Variants in TRPC3 observed in about 807,000 individuals in gnomAD.
TRPC3 encodes transient receptor potential cation channel subfamily C member 3.
A neutral mutation model predicts 90.9 loss-of-function variants in TRPC3; 54 were observed. That is an observed-to-expected ratio of 0.59 (90% CI 0.48 to 0.75). TRPC3 has a LOEUF of 0.75. Ranked by LOEUF, TRPC3 falls within the 30% of genes least tolerant of loss-of-function variation. The pLI, the probability that TRPC3 is intolerant of heterozygous loss-of-function variation, is 0.00. For missense variants in TRPC3, 918 were observed against 1,194.5 expected, an observed-to-expected ratio of 0.77 and a Z score of 3.41; for synonymous variants, 424 against 450.9, an observed-to-expected ratio of 0.94 and a Z score of 0.75.
chr4:121,916,504 C>A (rs1185201910), intron 3 of TRPC3, among the ~76,000 whole-genome samples: 1 of 152,098 alleles, frequency 6.6e-6, no homozygotes, highest in Non-Finnish European at 1.5e-5. Context: ...TATTAGAAAG[C>A]TAGGCTTTTG....
chr4:121,909,399 C>A (rs1729007019), intron 6 of TRPC3, among the ~76,000 whole-genome samples: 1 of 152,104 alleles, frequency 6.6e-6, no homozygotes, highest in African/African-American at 2.4e-5. Context: ...GATTAGACAA[C>A]ACTTTCTAAA....
chr4:121,919,213 T>C (rs1560705378), intron 3 of TRPC3, among the ~76,000 whole-genome samples: 1 of 152,296 alleles, frequency 6.6e-6, no homozygotes, highest in East Asian at 1.9e-4. Flanking sequence ...GGGAAAACAA[T>C]CAAATTTTAA....
chr4:121,922,771 G>A (rs145872416), intron 3 of TRPC3, among the ~76,000 whole-genome samples: 11 of 152,316 alleles, frequency 7.2e-5, no homozygotes, highest in Admixed American at 2.6e-4. Context: ...CTAAAAAACA[G>A]TTTACTATCA....
Position 121,951,595 on chromosome 4 carries a change from T to C in TRPC3, c.86A>G (p.Glu29Gly). 6.9e-7 allele frequency: 1 copy of C among 1,446,898 alleles called. No individual in the cohort carries two copies. Among genetic ancestry groups the C allele is most frequent in the Non-Finnish European group, 9.1e-7 (1 of 1,094,190 alleles). The allele number at this position is 1,446,898 out of a possible 1,614,324, so 89.6% of individuals were successfully genotyped here. A position where few individuals can be genotyped will look rare whatever the true frequency, so the allele number is the denominator to read the frequency against. ...GCGGCGGCGCTGCGGCTCCGCGCCC[T>C]CGTCCTCGCCCTCGTCTTCCTCCTC... Reference protein sequence around the residue: ...PEEEEDEGEDEGAEPQRRRRG... With the variant: ...PEEEEDEGEDGGAEPQRRRRG... Residue 29 changes from glutamate (E) to glycine (G), a missense_variant, in exon 1 of 12, where the codon GAG becomes GGG. This residue lies in a region of TRPC3 where 609 missense variants were observed against 725.9 expected (regional missense o/e 0.84). Transcript: ENST00000379645. This position sits in a 1 kb window ranked among gnomAD's most constrained non-coding sequence, Gnocchi z 4.4.
Position 121,951,780 on chromosome 4 carries a change from G to A in TRPC3, c.-100C>T, listed in dbSNP as rs963677030. On this transcript the variant is annotated 5_prime_UTR_variant, in exon 1 of 12. Coordinates refer to ENST00000379645, the MANE Select transcript of TRPC3 (RefSeq NM_001130698.2). The surrounding 1 kb of genome is among the most constrained non-coding windows in gnomAD (Gnocchi z 4.4). ...GCGGCGCCCCTTCACCACCTCCCGC[G>A]GCTTCCGGGGCCCCGGGCGGCCCAG... 2.0e-6 allele frequency: 2 copies of A among 1,021,044 alleles called. No homozygotes were observed. The highest frequency in any genetic ancestry group is 3.4e-5 in the African/African-American group (2 of 59,468). 63.2% of individuals were successfully genotyped at this position (1,021,044 alleles called of 1,614,324 possible).
intron 6 of TRPC3, among the ~76,000 whole-genome samples, 177 bp downstream of exon 6, chr4:121,909,977 G>T (rs1386548801): frequency 6.6e-6 from 1 of 152,024 alleles, no homozygotes; most frequent in African/African-American, 2.4e-5. Context: ...CAGCAAAGGG[G>T]GTCAGAGCCT....
intron 9 of TRPC3, among the ~76,000 whole-genome samples, chr4:121,901,070 C>T (rs1029881141): frequency 6.6e-6 from 1 of 152,190 alleles, no homozygotes; most frequent in African/African-American, 2.4e-5. Context: ...AGTATTTTCC[C>T]TTCTACATTA....
chr4:121,902,649 T>C (rs964021384), intron 9 of TRPC3, among the ~76,000 whole-genome samples: 4 of 152,330 alleles, frequency 2.6e-5, no homozygotes, highest in Admixed American at 1.3e-4. Flanking sequence ...TATGATGTTC[T>C]GATCAAAAGC....
chr4:121,889,958 TA>T (rs1728263951), intron 10 of TRPC3, among the ~76,000 whole-genome samples: 1 of 152,150 alleles, frequency 6.6e-6, no homozygotes, highest in South Asian at 2.1e-4. Context: ...AGTATGGTTG[TA>T]TATATACACA....
At chr4:121,911,815 T>C in intron 5 of TRPC3, 62 bp downstream of exon 5, 5 of 1,459,112 alleles carry the variant, frequency 3.4e-6, no homozygotes, top group Non-Finnish European at 4.7e-6. Context: ...CAATAGAAAA[T>C]GACAATTATT....
Position 121,894,010 on chromosome 4 carries a change from G to A in TRPC3, c.2547+5602C>T, listed in dbSNP as rs148450188. ...ATTGTAAGAATGTAAGTTAGTACAAGCTCCATCAGTTTGATAATAGCTAAA... is the reference window on the plus strand; with the variant it reads ...ATTGTAAGAATGTAAGTTAGTACAAACTCCATCAGTTTGATAATAGCTAAA... On this transcript the variant is annotated intron_variant, in intron 10 of 11. Coordinates refer to ENST00000379645, the MANE Select transcript of TRPC3 (RefSeq NM_001130698.2). Among the ~76,000 whole-genome samples the A allele has an allele frequency of 1.2e-4, 19 of 152,168 alleles. No homozygotes were observed. In the East Asian group the frequency reaches 3.7e-3, roughly 29 times the overall value.
chr4:121,951,477 G>C lies in TRPC3; in HGVS notation c.204C>G (p.His68Gln). ...PHGYCPPPFS[H>Q]GPDLSMEGSP... ...GGCCCGGTACTCACAGGTCCGGCCC[G>C]TGGGAGAAGGGCGGCGGGCAGTAGC... The change falls in exon 1 of 12, where the codon CAC becomes CAG. Residue 68 changes from histidine (H) to glutamine (Q), a missense_variant. His to Gln is a conservative substitution (Grantham distance 24, BLOSUM62 0). This residue lies in a region of TRPC3 where 609 missense variants were observed against 725.9 expected (regional missense o/e 0.84). Transcript: ENST00000379645. This position sits in a 1 kb window ranked among gnomAD's most constrained non-coding sequence, Gnocchi z 4.4. 1 of 1,314,568 alleles carries C rather than the reference G, an allele frequency of 7.6e-7. No individual in the cohort carries two copies. Among genetic ancestry groups the C allele is most frequent in the Non-Finnish European group, 9.7e-7 (1 of 1,033,634 alleles). The allele number at this position is 1,314,568 out of a possible 1,614,324, so 81.4% of individuals were successfully genotyped here.
chr4:121,883,066 T>C (rs1727996807), intron 10 of TRPC3, among the ~76,000 whole-genome samples: 1 of 152,122 alleles, frequency 6.6e-6, no homozygotes, highest in South Asian at 2.1e-4. Flanking sequence ...TAAATGCTCT[T>C]CTAGGATAAC....
chr4:121,906,520 T>G (rs1728887877), intron 7 of TRPC3, among the ~76,000 whole-genome samples: 1 of 152,140 alleles, frequency 6.6e-6, no homozygotes. Flanking sequence ...AAATTCATTT[T>G]AGAACAATTG....
intron 8 of TRPC3, among the ~76,000 whole-genome samples, 171 bp from the exon 9 acceptor site, chr4:121,903,232 A>G (rs369365283): frequency 6.6e-6 from 1 of 152,318 alleles, no homozygotes; most frequent in East Asian, 1.9e-4. Context: ...TTTTTCAAAT[A>G]TAAGATACTC....
At chr4:121,929,608 C>T (rs375733406) in intron 2 of TRPC3, among the ~76,000 whole-genome samples, 1 of 152,222 alleles carries the variant, frequency 6.6e-6, no homozygotes, top group African/African-American at 2.4e-5. Context: ...ACCGAGCTAT[C>T]CTCCATTAAT....
chr4:121,882,901 AT>A (rs1330857736), intron 10 of TRPC3, among the ~76,000 whole-genome samples: 3 of 152,116 alleles, frequency 2.0e-5, no homozygotes, highest in African/African-American at 4.8e-5. Context: ...CACTGTTTTC[AT>A]TTTGGTGTAT....
chr4:121,903,572 CCT>C (rs555870212), intron 8 of TRPC3, among the ~76,000 whole-genome samples: 85 of 152,210 alleles, frequency 5.6e-4, no homozygotes, highest in African/African-American at 2.0e-3. Context: ...CACATAAGCC[CCT>C]GAGTGCCTGA....
At chr4:121,920,309 G>T (rs888916583) in intron 3 of TRPC3, among the ~76,000 whole-genome samples, 5 of 151,982 alleles carry the variant, frequency 3.3e-5, no homozygotes, top group African/African-American at 4.8e-5. Context: ...ATCACTTGAG[G>T]TCAGGAGTTC....
Sources: gnomAD v4.1 joint callset for allele counts (sites outside exome capture counted in the v4.1 genomes callset) on GRCh38, gnomAD v4.1.1 for gene constraint, gnomAD v4.1.1 regional missense constraint, Gnocchi (gnomAD v3.1) non-coding constraint, MANE v1.5 for transcripts, NCBI Gene and HGNC (gene_info 2026-07-23, HGNC 2026-07-21) for gene names.